Variants in ADAMTS16 observed in about 807,000 individuals in gnomAD.
ADAMTS16 encodes the protein A disintegrin and metalloproteinase with thrombospondin motifs 16.
ADAMTS16 carries 94 observed loss-of-function variants against 145.8 expected under a neutral mutation model. The observed-to-expected ratio is 0.64, with a 90% CI of 0.55 to 0.77. The LOEUF (loss-of-function observed/expected upper bound fraction) is 0.77, where lower values mean the gene tolerates loss of function less well. Among genes scored for constraint, ADAMTS16 ranks in the 30% least tolerant of loss-of-function variants. The pLI, the probability that ADAMTS16 is intolerant of heterozygous loss-of-function variation, is 0.00. For missense variants in ADAMTS16, 1,585 were observed against 1,591.5 expected (o/e 1.00, Z 0.07); for synonymous variants, 659 against 604.3 (o/e 1.09, Z -1.33).
chr5:5,192,435 G>A (rs778128942), intron 8 of ADAMTS16, among the ~76,000 whole-genome samples: 6 of 152,018 alleles, frequency 3.9e-5, no homozygotes, highest in East Asian at 1.9e-4. Context: ...TGTTACCCTC[G>A]CGTTTGTGTT....
chr5:5,255,904 T>G (rs1343662448), intron 17 of ADAMTS16, among the ~76,000 whole-genome samples: 2 of 152,236 alleles, frequency 1.3e-5, no homozygotes, highest in Non-Finnish European at 2.9e-5. Context: ...ATTTTTATTC[T>G]TACTCATATA....
intron 10 of ADAMTS16, among the ~76,000 whole-genome samples, chr5:5,214,813 A>G (rs1361515065): frequency 6.6e-6 from 1 of 152,222 alleles, no homozygotes; most frequent in East Asian, 1.9e-4. Context: ...AAAATTTTCT[A>G]TGTGAATTGA....
intron 10 of ADAMTS16, among the ~76,000 whole-genome samples, chr5:5,215,252 A>T (rs1302234542): frequency 6.6e-6 from 1 of 152,240 alleles, no homozygotes; most frequent in Admixed American, 6.5e-5. Context: ...ATGTAGAGTG[A>T]TAATCAGGAT....
At chr5:5,272,332 G>A (rs549788136) in intron 18 of ADAMTS16, among the ~76,000 whole-genome samples, 70 of 151,580 alleles carry the variant, frequency 4.6e-4, no homozygotes, top group Middle Eastern at 3.4e-3. Context: ...TTTTATTCTC[G>A]GCTGTTGCTG....
rs761500934 is a variant in ADAMTS16 at position 5,237,089 on chromosome 5, G to T, written c.2144G>T (p.Gly715Val). 3 of 1,613,082 alleles carry T rather than the reference G, an allele frequency of 1.9e-6. No homozygotes were observed. Among genetic ancestry groups the T allele is most frequent in the Non-Finnish European group, 2.5e-6 (3 of 1,179,660 alleles). ...GATAGCCGTAATGTTTGTATAGATG[G>T]GATATGTGAGGTAATCATGATCCTT... ...SEDSRNVCID[G>V]ICERVGCDNV... The change falls in exon 14 of 23, where the codon GGG becomes GTG. Residue 715 changes from glycine to valine, a missense_variant. Physicochemically the swap from Gly to Val is moderately radical, Grantham distance 109. Around this residue, in one of 3 missense-constraint regions of ADAMTS16, gnomAD observed 834 missense variants for 811.7 expected, o/e 1.03. Coordinates refer to ENST00000274181, the MANE Select transcript of ADAMTS16 (RefSeq NM_139056.4).
intron 3 of ADAMTS16, among the ~76,000 whole-genome samples, chr5:5,170,157 T>G (rs2126540937): frequency 6.6e-6 from 1 of 152,302 alleles, no homozygotes; most frequent in East Asian, 1.9e-4. Flanking sequence ...CTAATTTACG[T>G]TCCTACCAAT....
rs1737060733 is a variant in ADAMTS16 at position 5,235,121 on chromosome 5, C to T, written c.1958C>T (p.Ala653Val). The T allele has an allele frequency of 6.2e-7, 1 of 1,600,990 alleles. No individual in the cohort carries two copies. Among genetic ancestry groups the T allele is most frequent in the Non-Finnish European group, 8.6e-7 (1 of 1,169,390 alleles). The change falls in exon 13 of 23, where the codon GCC becomes GTC. Residue 653 changes from alanine (A) to valine (V), a missense_variant. By Grantham distance (64) the Ala-to-Val change is moderately conservative. Around this residue, in one of 3 missense-constraint regions of ADAMTS16, gnomAD observed 834 missense variants for 811.7 expected, o/e 1.03. Transcript: ENST00000274181. ...GTTGACTTCCGTGCTGCTCAGTGTG[C>T]CGAGCACAACAGCAGACGATTCAGA... ...DSVDFRAAQCAEHNSRRFRGR... is the reference protein window; with the variant it reads ...DSVDFRAAQCVEHNSRRFRGR...
intron 3 of ADAMTS16, among the ~76,000 whole-genome samples, chr5:5,148,730 A>G (rs545307610): frequency 6.6e-6 from 1 of 152,340 alleles, no homozygotes; most frequent in South Asian, 2.1e-4. Flanking sequence ...TCTCATGTTC[A>G]CAGTGACAAT....
At chr5:5,258,810 G>A (rs774112765) in intron 17 of ADAMTS16, among the ~76,000 whole-genome samples, 1 of 152,140 alleles carries the variant, frequency 6.6e-6, no homozygotes, top group East Asian at 1.9e-4. Context: ...TGGCAGGAAT[G>A]TGTGCATGCA....
intron 18 of ADAMTS16, among the ~76,000 whole-genome samples, chr5:5,290,058 G>C (rs1186904311): frequency 6.6e-6 from 1 of 152,188 alleles, no homozygotes; most frequent in South Asian, 2.1e-4. Context: ...CATTGACTTA[G>C]ATGATGTATT....
chr5:5,254,964 G>T (rs1228357329), intron 17 of ADAMTS16, among the ~76,000 whole-genome samples: 2 of 152,114 alleles, frequency 1.3e-5, no homozygotes, highest in Admixed American at 6.6e-5. Flanking sequence ...AAATATATTT[G>T]AAGCAGCTGA....
At chr5:5,142,597 T>A (rs1579266922) in intron 2 of ADAMTS16, among the ~76,000 whole-genome samples, 1 of 152,338 alleles carries the variant, frequency 6.6e-6, no homozygotes, top group East Asian at 1.9e-4. Context: ...AGACACTTGG[T>A]GACTGCTGGG....
chr5:5,305,128 AC>A (rs1740025171), intron 20 of ADAMTS16, among the ~76,000 whole-genome samples: 1 of 32,074 alleles, frequency 3.1e-5, no homozygotes, highest in African/African-American at 1.2e-4. Flanking sequence ...CACACCCCAC[AC>A]CACACACACA....
chr5:5,250,077 G>A (rs1411964402), intron 17 of ADAMTS16, among the ~76,000 whole-genome samples: 2 of 152,164 alleles, frequency 1.3e-5, no homozygotes, highest in African/African-American at 4.8e-5. Flanking sequence ...CACTGAGTCT[G>A]AGGTTTGGGG....
intron 18 of ADAMTS16, among the ~76,000 whole-genome samples, chr5:5,293,043 G>A (rs1404179306): frequency 6.6e-6 from 1 of 152,224 alleles, no homozygotes; most frequent in East Asian, 1.9e-4. Context: ...CAGTGACCCT[G>A]TGAGTCTAGG....
At chr5:5,172,347 A>G (rs1014517198) in intron 3 of ADAMTS16, among the ~76,000 whole-genome samples, 1 of 151,836 alleles carries the variant, frequency 6.6e-6, no homozygotes, top group African/African-American at 2.4e-5. Flanking sequence ...GTTGTTTATT[A>G]GAAGTTTTTC....
intron 21 of ADAMTS16, among the ~76,000 whole-genome samples, 153 bp downstream of exon 21, chr5:5,306,881 C>T (rs1041793807): frequency 6.6e-6 from 1 of 152,192 alleles, no homozygotes; most frequent in Non-Finnish European, 1.5e-5. Flanking sequence ...TGCGGGTGGC[C>T]TGGTTCCTGG....
At chr5:5,307,170 G>T (rs1740207979) in intron 21 of ADAMTS16, among the ~76,000 whole-genome samples, 1 of 152,018 alleles carries the variant, frequency 6.6e-6, no homozygotes, top group African/African-American at 2.4e-5. Flanking sequence ...TCCTTCCTCG[G>T]GGTCTTTGTT....
chr5:5,146,031 G>A, intron 2 of ADAMTS16, 99 bp from the exon 3 acceptor site: 1 of 1,043,722 alleles, frequency 9.6e-7, no homozygotes, highest in Non-Finnish European at 1.4e-6. Context: ...TTGACTGGGT[G>A]GAAAGGTCAT....
Sources: gnomAD v4.1 joint callset for allele counts (sites outside exome capture counted in the v4.1 genomes callset) on GRCh38, gnomAD v4.1.1 for gene constraint, gnomAD v4.1.1 regional missense constraint, MANE v1.5 for transcripts, NCBI Gene and HGNC (gene_info 2026-07-23, HGNC 2026-07-21) for gene names.